The following ASIC2 variants were observed in gnomAD, a reference collection of about 807,000 sequenced individuals.
ASIC2 encodes acid sensing ion channel subunit 2.
In ASIC2, 25 loss-of-function variants were observed where a neutral mutation model predicts 57.3. The ratio of observed to expected loss-of-function variants is 0.44; its 90% CI spans 0.32 to 0.61. ASIC2 has a LOEUF of 0.61. Ranked by LOEUF, ASIC2 falls within the 20% of genes least tolerant of loss-of-function variation. The pLI is 0.06. For synonymous variants in ASIC2, 319 were observed against 307.5 expected, an observed-to-expected ratio of 1.04 and a Z score of -0.39; for missense variants, 641 against 738.1, an observed-to-expected ratio of 0.87 and a Z score of 1.52.
chr17:33,801,996 G>A (rs1423368086), intron 1 of ASIC2, among the ~76,000 whole-genome samples: 1 of 152,174 alleles, frequency 6.6e-6, no homozygotes, highest in African/African-American at 2.4e-5. Flanking sequence ...AGGCTAATTG[G>A]TAAAAATTGG....
intron 1 of ASIC2, among the ~76,000 whole-genome samples, chr17:33,959,742 T>C (rs1201042584): frequency 2.6e-5 from 4 of 152,230 alleles, no homozygotes; most frequent in African/African-American, 9.6e-5. Context: ...CCACTCAGAT[T>C]GAAGGTTGGT....
chr17:33,411,400 T>C (rs1035860735), intron 1 of ASIC2, among the ~76,000 whole-genome samples: 63 of 152,234 alleles, frequency 4.1e-4, no homozygotes, highest in Admixed American at 3.9e-4. Context: ...AGGCCAGATT[T>C]CCAGAACTGG....
chr17:33,411,136 A>G (rs1910644932), intron 1 of ASIC2, among the ~76,000 whole-genome samples: 1 of 152,252 alleles, frequency 6.6e-6, no homozygotes, highest in Non-Finnish European at 1.5e-5. Context: ...AGTCAAGTTG[A>G]TGCTACAGAC....
chr17:33,449,392 C>G lies in ASIC2; in HGVS notation c.556-337325G>C, dbSNP rs1227605363. Among the ~76,000 whole-genome samples, 3 of 152,190 alleles carry G rather than the reference C, an allele frequency of 2.0e-5. No homozygotes were observed. The East Asian group carries it at 5.8e-4, about 29-fold the overall frequency. ...TACCTGCTACCTTTCCTGTATTTTT[C>G]CATTCTCTCTTCTCTGTAGCTTCTC... On this transcript the variant is annotated intron_variant, in intron 1 of 9. Coordinates refer to the ASIC2 transcript ENST00000359872.
intron 1 of ASIC2, among the ~76,000 whole-genome samples, chr17:33,550,275 A>T (rs1293244400): frequency 1.3e-5 from 2 of 152,208 alleles, no homozygotes; most frequent in African/African-American, 2.4e-5. Flanking sequence ...TCTAAAGTCA[A>T]CTTTTAAGGC....
Position 33,726,609 on chromosome 17 carries a change from C to T in ASIC2, c.555+429369G>A, listed in dbSNP as rs563359844. Among the ~76,000 whole-genome samples the T allele has an allele frequency of 5.3e-5, 8 of 152,314 alleles. No homozygotes were observed. In the East Asian group the frequency reaches 1.4e-3, roughly 26 times the overall value. The stretch of plus-strand genomic sequence containing the variant: ...CAGACACAGACTCTAGGCTCTCTGC[C>T]TTTCCGCATTTCCTCAAGATTCCTC... On this transcript the variant is annotated intron_variant, in intron 1 of 9. Transcript: ENST00000359872.
intron 3 of ASIC2, among the ~76,000 whole-genome samples, chr17:33,062,641 G>A (rs1371109878): frequency 1.3e-5 from 2 of 152,226 alleles, no homozygotes; most frequent in African/African-American, 4.8e-5. Context: ...ATATTCTGTT[G>A]ATTTGGGGTG....
intron 1 of ASIC2, among the ~76,000 whole-genome samples, chr17:33,129,571 T>C (rs1209903534): frequency 1.3e-5 from 2 of 152,246 alleles, no homozygotes; most frequent in Non-Finnish European, 2.9e-5. Flanking sequence ...GCACATATTC[T>C]GTCATAATAA....
At chr17:33,634,228 C>T (rs1906271563) in intron 1 of ASIC2, among the ~76,000 whole-genome samples, 1 of 152,226 alleles carries the variant, frequency 6.6e-6, no homozygotes, top group South Asian at 2.1e-4. Flanking sequence ...GGGCTGTCAT[C>T]TATGTCTGGG....
intron 1 of ASIC2, among the ~76,000 whole-genome samples, chr17:33,243,898 A>G (rs1908600853): frequency 6.6e-6 from 1 of 152,202 alleles, no homozygotes; most frequent in South Asian, 2.1e-4. Flanking sequence ...AGCAAGTGCT[A>G]GTTTGGCTTT....
chr17:33,525,320 G>A (rs776904325), intron 1 of ASIC2, among the ~76,000 whole-genome samples: 1 of 152,170 alleles, frequency 6.6e-6, no homozygotes, highest in East Asian at 1.9e-4. Flanking sequence ...CAGCCCCTTT[G>A]TAGCTCACAT....
chr17:33,181,057 T>A (rs1905961541), intron 1 of ASIC2, among the ~76,000 whole-genome samples: 1 of 152,162 alleles, frequency 6.6e-6, no homozygotes, highest in Admixed American at 6.5e-5. Flanking sequence ...GGCCAGTTCA[T>A]AGGATACTAG....
At chr17:33,976,042 C>T (rs1905373490) in intron 1 of ASIC2, among the ~76,000 whole-genome samples, 1 of 151,770 alleles carries the variant, frequency 6.6e-6, no homozygotes, top group African/African-American at 2.4e-5. Context: ...ACTTCTCTGC[C>T]CTCAAATTGG....
At chr17:33,598,443 T>C (rs1905039830) in intron 1 of ASIC2, among the ~76,000 whole-genome samples, 1 of 152,194 alleles carries the variant, frequency 6.6e-6, no homozygotes, top group Non-Finnish European at 1.5e-5. Context: ...TCTTTCTGCA[T>C]GTCAGTAATT....
At chr17:33,817,732 T>C (rs1229843149) in intron 1 of ASIC2, among the ~76,000 whole-genome samples, 1 of 152,202 alleles carries the variant, frequency 6.6e-6, no homozygotes, top group Non-Finnish European at 1.5e-5. Context: ...TTATATGATC[T>C]TATTAAAATA....
At chr17:33,478,250 G>T (rs1268498601) in intron 1 of ASIC2, among the ~76,000 whole-genome samples, 1 of 152,236 alleles carries the variant, frequency 6.6e-6, no homozygotes, top group East Asian at 1.9e-4. Context: ...GAGAGCTCTT[G>T]CTCCCCTTAG....
intron 1 of ASIC2, among the ~76,000 whole-genome samples, chr17:34,089,100 G>A (rs567415181): frequency 6.6e-6 from 1 of 152,316 alleles, no homozygotes; most frequent in Admixed American, 6.5e-5. Context: ...ACCTCAGATG[G>A]AAATGCAGAA....
chr17:33,874,501 C>A (rs547660341), intron 1 of ASIC2, among the ~76,000 whole-genome samples: 1 of 152,236 alleles, frequency 6.6e-6, no homozygotes, highest in Admixed American at 6.5e-5. Context: ...CTGAAGCCAA[C>A]CATTCTTCCT....
chr17:33,647,940 C>T (rs1465099819), intron 1 of ASIC2, among the ~76,000 whole-genome samples: 2 of 152,170 alleles, frequency 1.3e-5, no homozygotes, highest in African/African-American at 4.8e-5. Context: ...GGATTCCAGA[C>T]ACCAGGGAGG....
Sources: allele counts gnomAD v4.1 joint callset (sites outside exome capture counted in the v4.1 genomes callset), GRCh38; gene constraint gnomAD v4.1.1; transcripts MANE v1.5; gene names NCBI Gene and HGNC (gene_info 2026-07-23, HGNC 2026-07-21).